The following MGAM2 variants were observed in gnomAD, a reference collection of about 807,000 sequenced individuals.
MGAM2 encodes the protein maltase-glucoamylase 2 (putative).
Under a neutral mutation model 96.1 loss-of-function variants are expected in MGAM2, and 98 were observed. The observed-to-expected ratio is 1.02, with a 90% confidence interval of 0.87 to 1.21. MGAM2 has a LOEUF of 1.21. MGAM2 is among the 50% of genes most tolerant of loss of function. The probability of loss-of-function intolerance (pLI) is 0.00; values close to 1 mark genes in which losing one functional copy is unlikely to be tolerated. For synonymous variants in MGAM2, 749 were observed against 414.8 expected, an observed-to-expected ratio of 1.81 and a Z score of -9.79; for missense variants, 2,055 against 1,182.4, an observed-to-expected ratio of 1.74 and a Z score of -10.82.
chr7:142,194,130 T>G (rs1796953790), intron 37 of MGAM2, among the ~76,000 whole-genome samples: 2 of 152,050 alleles, frequency 1.3e-5, no homozygotes, highest in Admixed American at 6.6e-5. Context: ...TCTCCTGGGT[T>G]CAAGCAATTC....
At chr7:142,153,008 T>TTGTCTGAGA (rs1795626785) in intron 15 of MGAM2, among the ~76,000 whole-genome samples, 1 of 145,658 alleles carries the variant, frequency 6.9e-6, no homozygotes, top group Non-Finnish European at 1.5e-5. Context: ...TTTTTTTTTT[T>TTGTCTGAGA]TGTCTGAGAC....
intron 45 of MGAM2, among the ~76,000 whole-genome samples, chr7:142,201,745 A>G (rs992720758): frequency 6.6e-6 from 1 of 152,220 alleles, no homozygotes; most frequent in Non-Finnish European, 1.5e-5. Flanking sequence ...GATTTACATA[A>G]TGTTTACATT....
At chr7:142,141,223 A>C (rs991384697) in intron 12 of MGAM2, 104 bp downstream of exon 12, 2 of 622,702 alleles carry the variant, frequency 3.2e-6, no homozygotes, top group Non-Finnish European at 5.7e-6. Flanking sequence ...TACTGTTTTC[A>C]TGGCTTTAGA....
At chr7:142,171,605 CATATATAT>C (rs34204853) in intron 28 of MGAM2, among the ~76,000 whole-genome samples, 165 bp downstream of exon 28, 1,621 of 64,566 alleles carry the variant, frequency 0.025, 40 homozygotes, top group Non-Finnish European at 0.033. Flanking sequence ...CCCTAAAAGG[CATATATAT>C]ATATATATAT....
chr7:142,168,372 C>T (rs562399544), intron 26 of MGAM2, among the ~76,000 whole-genome samples: 23 of 151,810 alleles, frequency 1.5e-4, no homozygotes, highest in Admixed American at 7.2e-4. Context: ...CGAGTTCAAG[C>T]GATTCTCCTG....
chr7:142,131,502 A>G lies in MGAM2; in HGVS notation c.311-16A>G. The G allele has an allele frequency of 2.9e-6, 2 of 701,424 alleles. No individual in the cohort carries two copies. The highest frequency in any genetic ancestry group is 5.2e-6 in the Non-Finnish European group (2 of 384,492). The allele number at this position is 701,424 out of a possible 1,614,324, so 43.5% of individuals were successfully genotyped here. A position where few individuals can be genotyped will look rare whatever the true frequency, so the allele number is the denominator to read the frequency against. ...TTAGTCTCCTTTTCTCTCTCTCCATATCTTGCCACCCCTAGGATTTACTGC... is the reference window on the plus strand; with the variant it reads ...TTAGTCTCCTTTTCTCTCTCTCCATGTCTTGCCACCCCTAGGATTTACTGC... On this transcript the variant is annotated splice_polypyrimidine_tract_variant and intron_variant, in intron 4 of 47. Transcript: ENST00000477922.
intron 46 of MGAM2, among the ~76,000 whole-genome samples, chr7:142,212,296 T>C (rs960519541): frequency 1.3e-5 from 2 of 152,172 alleles, no homozygotes; most frequent in East Asian, 3.9e-4. Flanking sequence ...CTGCATCAAC[T>C]AATGGGCAAA....
chr7:142,158,485 T>C (rs1432629829), intron 19 of MGAM2, among the ~76,000 whole-genome samples, 153 bp downstream of exon 19: 2 of 152,184 alleles, frequency 1.3e-5, no homozygotes, highest in Admixed American at 6.5e-5. Context: ...TTTTAAAAAG[T>C]AGTAAATCTT....
intron 45 of MGAM2, chr7:142,208,270 C>T (rs755207683): frequency 1.7e-5 from 9 of 521,800 alleles, no homozygotes; most frequent in East Asian, 5.1e-5. Context: ...CTTGCTGTCT[C>T]GCACAGAATA....
chr7:142,156,529 C>A (rs1019211947), intron 17 of MGAM2, among the ~76,000 whole-genome samples: 4 of 152,172 alleles, frequency 2.6e-5, no homozygotes, highest in Non-Finnish European at 5.9e-5. Flanking sequence ...AAGTTTACTT[C>A]CTCAGTCTCA....
intron 32 of MGAM2, among the ~76,000 whole-genome samples, chr7:142,178,779 G>C (rs1463677216): frequency 6.6e-6 from 1 of 152,070 alleles, no homozygotes; most frequent in Non-Finnish European, 1.5e-5. Context: ...GTGAATTTTA[G>C]AATAGTTTTT....
In MGAM2 at chr7:142,171,253, A is replaced by G. The variant is rs2129090238; in HGVS notation, c.3183-19A>G. On this transcript the variant is annotated intron_variant, in intron 27 of 47. Coordinates refer to ENST00000477922, the MANE Select transcript of MGAM2 (RefSeq NM_001293626.2). ...GGCCAGTGGTCTCCAGCTCAGCGTG[A>G]TCTGCTTTTGTGTTGCAGTTGGGAT... 1.4e-6 allele frequency: 1 copy of G among 702,216 alleles called. No homozygotes were observed. The highest frequency in any genetic ancestry group is 1.5e-5 in the South Asian group (1 of 67,594). 43.5% of individuals were successfully genotyped at this position (702,216 alleles called of 1,614,324 possible).
intron 37 of MGAM2, among the ~76,000 whole-genome samples, chr7:142,190,267 CTTTTTTTTTTTTT>C (rs58228482): frequency 3.8e-5 from 4 of 104,246 alleles, no homozygotes; most frequent in South Asian, 3.3e-4. Flanking sequence ...TACCATTTTA[CTTTTTTTTTTTTT>C]TTTTTTTTTT....
rs117293986 is a variant in MGAM2, at chr7:142,151,135, G to C, written c.1635-2883G>C. Among the ~76,000 whole-genome samples, 6 of 152,182 alleles carry C rather than the reference G, an allele frequency of 3.9e-5. No homozygotes were observed. The East Asian group carries it at 1.2e-3, about 29-fold the overall frequency. On this transcript the variant is annotated intron_variant, in intron 15 of 47. Transcript: ENST00000477922. Reference sequence around the variant, plus strand: ...CTCTGCTGGACTGTAAGCTTTTTGAGGGCAAAGTCAGCCCATATCCTTAGC... The same window carrying C: ...CTCTGCTGGACTGTAAGCTTTTTGACGGCAAAGTCAGCCCATATCCTTAGC...
chr7:142,115,719 C>A (rs1431161924), intron 1 of MGAM2, among the ~76,000 whole-genome samples: 1 of 152,086 alleles, frequency 6.6e-6, no homozygotes, highest in Non-Finnish European at 1.5e-5. Context: ...GTGACGCATG[C>A]CTGTAATCCC....
chr7:142,139,835 G>C (rs1299453955), intron 10 of MGAM2, among the ~76,000 whole-genome samples: 1 of 151,434 alleles, frequency 6.6e-6, no homozygotes, highest in Admixed American at 6.6e-5. Flanking sequence ...AATGTGTTTT[G>C]GTGTCAAAGG....
intron 17 of MGAM2, among the ~76,000 whole-genome samples, chr7:142,156,366 G>A (rs2129085129): frequency 6.6e-6 from 1 of 152,216 alleles, no homozygotes; most frequent in East Asian, 1.9e-4. Flanking sequence ...TACACTTGTA[G>A]CATATCGCAA....
chr7:142,161,312 T>G (rs1585175320), intron 22 of MGAM2, 99 bp downstream of exon 22: 1 of 595,642 alleles, frequency 1.7e-6, no homozygotes, highest in Non-Finnish European at 3.1e-6. Flanking sequence ...CTATTAGCAC[T>G]GTCGTTTACA....
At position 142,171,426 on chromosome 7, in the gene MGAM2, G is replaced by A. The variant is rs777073088; in HGVS notation, c.3337G>A (p.Asp1113Asn). The change falls in exon 28 of 48, where the codon GAT becomes AAT. Residue 1113 changes from aspartate (D) to asparagine (N), a missense_variant. Physicochemically the swap from Asp to Asn is conservative, Grantham distance 23. Coordinates refer to ENST00000477922, the MANE Select transcript of MGAM2 (RefSeq NM_001293626.2). ...GAACACATGGGGAATGTTTGCTCATGATGAGCCACCTGCGGTAGGGACAAA... is the reference window on the plus strand; with the variant it reads ...GAACACATGGGGAATGTTTGCTCATAATGAGCCACCTGCGGTAGGGACAAA... The part of the protein sequence containing the change: ...NWNTWGMFAH[D>N]EPPAYKKNSY... 2.8e-6 allele frequency: 2 copies of A among 702,998 alleles called. No homozygotes were observed. Among genetic ancestry groups the A allele is most frequent in the Non-Finnish European group, 2.6e-6 (1 of 384,878 alleles). The allele number at this position is 702,998 out of a possible 1,614,324, so 43.5% of individuals were successfully genotyped here.
Sources: allele counts gnomAD v4.1 joint callset (sites outside exome capture counted in the v4.1 genomes callset), GRCh38; gene constraint gnomAD v4.1.1; transcripts MANE v1.5; gene names NCBI Gene and HGNC (gene_info 2026-07-23, HGNC 2026-07-21).